Variants in ZNF200 observed in about 807,000 individuals in gnomAD.
ZNF200 encodes zinc finger protein 200.
Under a neutral mutation model 33.6 loss-of-function variants are expected in ZNF200, and 35 were observed. The observed-to-expected ratio is 1.04, with a 90% CI of 0.80 to 1.38. ZNF200 has a LOEUF of 1.38. ZNF200 is among the 40% of genes most tolerant of loss of function. The pLI, the probability that ZNF200 is intolerant of heterozygous loss-of-function variation, is 0.00. For missense variants in ZNF200, 592 were observed against 470.6 expected (o/e 1.26, Z -2.39); for synonymous variants, 209 against 167.7 (o/e 1.25, Z -1.90).
Position 3,224,482 on chromosome 16 carries a change from G to C in ZNF200, c.598C>G (p.Gln200Glu), listed in dbSNP as rs750812653. The C allele has an allele frequency of 5.0e-6, 8 of 1,613,978 alleles. No individual in the cohort carries two copies. Among genetic ancestry groups the C allele is most frequent in the Non-Finnish European group, 6.8e-6 (8 of 1,180,030 alleles). ...SLVSQQPPDNQEKERLNTSIP... is the reference protein window; with the variant it reads ...SLVSQQPPDNEEKERLNTSIP... ...GATGTATTTAGTCGTTCCTTTTCCT[G>C]GTTATCGGGAGGCTGCTGAGAGACC... The change falls in exon 5 of 5, where the codon CAG (glutamine) becomes GAG (glutamate). Residue 200 changes from glutamine (Q) to glutamate (E), a missense_variant. Physicochemically the swap from Gln to Glu is conservative, Grantham distance 29. Transcript: ENST00000414144.
intron 4 of ZNF200, among the ~76,000 whole-genome samples, chr16:3,232,157 G>T (rs557502761): frequency 6.6e-6 from 1 of 152,256 alleles, no homozygotes; most frequent in South Asian, 2.1e-4. Context: ...GTTCAGAACA[G>T]TTTCTATATC....
At position 3,224,400 on chromosome 16, in the gene ZNF200, G is replaced by T. The variant is rs1219070544; in HGVS notation, c.680C>A (p.Pro227His). 1 of 1,614,134 alleles carries T rather than the reference G, an allele frequency of 6.2e-7. No homozygotes were observed. The highest frequency in any genetic ancestry group is 8.5e-7 in the Non-Finnish European group (1 of 1,180,034). Residue 227 changes from proline (P) to histidine (H), a missense_variant, in exon 5 of 5, where the codon CCT (proline) becomes CAT (histidine). By Grantham distance (77) the Pro-to-His change is moderately conservative. Coordinates refer to ENST00000414144, the MANE Select transcript of ZNF200 (RefSeq NM_198088.3). ...TACATATTTTGAGAGTTCCTCTAGA[G>T]GAGTATCATTCTCAATGGTAACTAA... ...NLLVTIENDT[P>H]LEELSKYVDI...
intron 4 of ZNF200, among the ~76,000 whole-genome samples, chr16:3,231,059 A>G (rs116160601): frequency 6.6e-6 from 1 of 152,188 alleles, no homozygotes; most frequent in African/African-American, 2.4e-5. Flanking sequence ...AAACTAGTAC[A>G]TTTATGAAAT....
At chr16:3,232,341 G>A (rs1441401159) in intron 4 of ZNF200, 80 bp downstream of exon 4, 119 of 1,495,930 alleles carry the variant, frequency 8.0e-5, no homozygotes, top group Middle Eastern at 1.9e-4. Context: ...GGTGTGAATC[G>A]TCCCCCAAAG....
Position 3,233,870 on chromosome 16 carries a change from A to C in ZNF200, c.-81-34T>G. The C allele has an allele frequency of 6.0e-6, 9 of 1,489,972 alleles. No homozygotes were observed. In the South Asian group the frequency reaches 6.9e-5, roughly 11 times the overall value. 92.3% of individuals were successfully genotyped at this position (1,489,972 alleles called of 1,614,324 possible). On this transcript the variant is annotated intron_variant, in intron 1 of 4. Coordinates refer to ENST00000414144, the MANE Select transcript of ZNF200 (RefSeq NM_198088.3). ...AGAGAAACCAGGGATTACCCAAAAG[A>C]CCAGGCACGGCATTACTGCACTCCA...
chr16:3,232,314 T>TGCA (rs1477364877), intron 4 of ZNF200, 107 bp downstream of exon 4: 4 of 1,251,448 alleles, frequency 3.2e-6, no homozygotes, highest in Non-Finnish European at 4.4e-6. Context: ...AATGTGTGTG[T>TGCA]GCACATAGGC....
At position 3,222,510 on chromosome 16, in the gene ZNF200, A is replaced by G. The variant is rs1206570719; in HGVS notation, c.*1382T>C. ...ATAATGGAAAAAACTACAATAACAA[A>G]ATTGTGTAAAACAAGTGAAGAAAAT... On this transcript the variant is annotated 3_prime_UTR_variant, in exon 5 of 5. Coordinates refer to ENST00000414144, the MANE Select transcript of ZNF200 (RefSeq NM_198088.3). The G allele has an allele frequency of 2.6e-5, 4 of 152,210 alleles. No homozygotes were observed. Among genetic ancestry groups the G allele is most frequent in the Non-Finnish European group, 5.9e-5 (4 of 68,040 alleles). The allele number at this position is 152,210 out of a possible 1,614,324, so 9.4% of individuals were successfully genotyped here. A position where few individuals can be genotyped will look rare whatever the true frequency, so the allele number is the denominator to read the frequency against.
chr16:3,233,263 C>G (rs1443362145), intron 2 of ZNF200, among the ~76,000 whole-genome samples: 1 of 152,214 alleles, frequency 6.6e-6, no homozygotes, highest in Non-Finnish European at 1.5e-5. Flanking sequence ...TCTGATTTAT[C>G]CTTAAAAGAT....
At position 3,224,403 on chromosome 16, in the gene ZNF200, G is replaced by T. The variant is rs758936606; in HGVS notation, c.677C>A (p.Thr226Asn). 7 of 1,614,186 alleles carry T rather than the reference G, an allele frequency of 4.3e-6. No homozygotes were observed. Among genetic ancestry groups the T allele is most frequent in the Non-Finnish European group, 5.1e-6 (6 of 1,180,026 alleles). ...ATATTTTGAGAGTTCCTCTAGAGGA[G>T]TATCATTCTCAATGGTAACTAACAG... ...RNLLVTIEND[T>N]PLEELSKYVD... Residue 226 changes from threonine to asparagine, a missense_variant, in exon 5 of 5, where the codon ACT (threonine) becomes AAT (asparagine). Transcript: ENST00000414144.
chr16:3,233,040 C>T (rs1958684832), intron 2 of ZNF200, 119 bp from the exon 3 acceptor site: 1 of 819,502 alleles, frequency 1.2e-6, no homozygotes. Flanking sequence ...GCCTTTTCTG[C>T]TCCTGTGAGC....
Position 3,232,551 on chromosome 16 carries a change from A to C in ZNF200, c.340-4T>G. 6.2e-7 allele frequency: 1 copy of C among 1,613,292 alleles called. No individual in the cohort carries two copies. The highest frequency in any genetic ancestry group is 8.5e-7 in the Non-Finnish European group (1 of 1,179,916). On this transcript the variant is annotated splice_polypyrimidine_tract_variant and splice_region_variant and intron_variant, in intron 3 of 4. Transcript: ENST00000414144. ...AATCCTCAAAGACCACCAGCTCCTG[A>C]AAGAGCAAGAGGCCCCTTTCATCTT...
At position 3,224,219 on chromosome 16, in the gene ZNF200, T is replaced by C. The variant is rs376111431; in HGVS notation, c.861A>G (p.Lys287=). 35 of 1,614,094 alleles carry C rather than the reference T, an allele frequency of 2.2e-5. No individual in the cohort carries two copies. In the African/African-American group the frequency reaches 4.3e-4, roughly 20 times the overall value. The change falls in exon 5 of 5, where the codon AAA becomes AAG. Residue 287 remains lysine, a synonymous_variant. Coordinates refer to ENST00000414144, the MANE Select transcript of ZNF200 (RefSeq NM_198088.3). ...TGAGGTTTGTTTTATGATTGAAGCT[T>C]TTCCCACAGTGATTACAGTCATAGG... is the stretch of plus-strand genomic sequence containing the variant. The part of the protein sequence containing the change: ...EKPYDCNHCG[K]SFNHKTNLNK...
chr16:3,232,119 C>G (rs537923628), intron 4 of ZNF200, among the ~76,000 whole-genome samples: 12 of 152,174 alleles, frequency 7.9e-5, no homozygotes, highest in African/African-American at 2.7e-4. Flanking sequence ...TTCAAATATA[C>G]CTGTTGAGAA....
At chr16:3,232,680 C>A in intron 3 of ZNF200, 133 bp from the exon 4 acceptor site, 1 of 1,458,360 alleles carries the variant, frequency 6.9e-7, no homozygotes, top group South Asian at 1.3e-5. Flanking sequence ...AGAGGTGCAG[C>A]AAAGACAGGA....
Position 3,233,538 on chromosome 16 carries a change from A to G in ZNF200, c.218T>C (p.Met73Thr), listed in dbSNP as rs756559525. Residue 73 changes from methionine (M) to threonine (T), a missense_variant, in exon 2 of 5, where the codon ATG (methionine) becomes ACG (threonine). Physicochemically the swap from Met to Thr is moderately conservative, Grantham distance 81. Coordinates refer to ENST00000414144, the MANE Select transcript of ZNF200 (RefSeq NM_198088.3). ...CTGAAGGCTTGAGCTCACATCTTTC[A>G]TAATAACCAAGGTCTCCTTGACTTT... ...SQKVKETLVI[M>T]KDVSSSLQNR... The G allele has an allele frequency of 1.3e-6, 2 of 1,578,246 alleles. No homozygotes were observed. The highest frequency in any genetic ancestry group is 8.6e-7 in the Non-Finnish European group (1 of 1,163,236).
rs759662741 is a variant in ZNF200 at position 3,233,513 on chromosome 16, C to G, written c.243G>C (p.Gln81His). Residue 81 changes from glutamine (Q) to histidine (H), a missense_variant, in exon 2 of 5, where the codon CAG (glutamine) becomes CAC (histidine). Transcript: ENST00000414144. ...VIMKDVSSSLQNRVHPRPLVK... is the reference protein window; with the variant it reads ...VIMKDVSSSLHNRVHPRPLVK... ...CAAGCATGTGCTTCTCACCTCTGTT[C>G]TGAAGGCTTGAGCTCACATCTTTCA... 1.9e-6 allele frequency: 3 copies of G among 1,551,878 alleles called. No individual in the cohort carries two copies. The Admixed American group carries it at 5.9e-5, about 31-fold the overall frequency.
chr16:3,234,353 T>A (rs1390759417), intron 1 of ZNF200, among the ~76,000 whole-genome samples: 1 of 151,430 alleles, frequency 6.6e-6, no homozygotes, highest in African/African-American at 2.4e-5. Context: ...TGAACTGTGA[T>A]CGCGCCACTG....
chr16:3,233,949 G>C, intron 1 of ZNF200, 113 bp from the exon 2 acceptor site: 1 of 748,612 alleles, frequency 1.3e-6, no homozygotes, highest in Non-Finnish European at 2.0e-6. Flanking sequence ...CGACAGCTGG[G>C]ATAGGGAAAT....
chr16:3,226,950 G>A (rs975532418), intron 4 of ZNF200: 5 of 152,070 alleles, frequency 3.3e-5, no homozygotes, highest in African/African-American at 1.2e-4. Context: ...TTCACTAGAG[G>A]CTTAATTTGC....
Sources: allele counts gnomAD v4.1 joint callset (sites outside exome capture counted in the v4.1 genomes callset), GRCh38; gene constraint gnomAD v4.1.1; transcripts MANE v1.5; gene names NCBI Gene and HGNC (gene_info 2026-07-23, HGNC 2026-07-21).